The following PKHD1 variants were observed in gnomAD, a reference collection of about 807,000 sequenced individuals.
PKHD1 encodes the protein fibrocystin.
In PKHD1, 291 loss-of-function variants were observed where a neutral mutation model predicts 412.0. The observed-to-expected ratio is 0.71, with a 90% confidence interval of 0.64 to 0.78. The LOEUF is 0.78. PKHD1 is among the 30% of genes least tolerant of loss of function. The probability of loss-of-function intolerance (pLI) is 0.00; values close to 1 mark genes in which losing one functional copy is unlikely to be tolerated. For missense variants in PKHD1, 4,825 were observed against 4,950.7 expected (o/e 0.97, Z 0.76); for synonymous variants, 1,777 against 1,821.5 (o/e 0.98, Z 0.62).
At chr6:51,939,876 C>T (rs1242437472) in intron 36 of PKHD1, among the ~76,000 whole-genome samples, 2 of 151,434 alleles carry the variant, frequency 1.3e-5, no homozygotes, top group African/African-American at 4.8e-5. Flanking sequence ...CTCTGCTCCC[C>T]CACCCTATAA....
At chr6:51,642,849 T>G (rs1250581889) in intron 63 of PKHD1, among the ~76,000 whole-genome samples, 2 of 151,598 alleles carry the variant, frequency 1.3e-5, no homozygotes, top group African/African-American at 2.4e-5. Context: ...CAAAAAAAAG[T>G]AAGGTATGGA....
intron 5 of PKHD1, among the ~76,000 whole-genome samples, chr6:52,078,049 T>C (rs1281528360): frequency 1.3e-5 from 2 of 152,184 alleles, no homozygotes; most frequent in African/African-American, 4.8e-5. Flanking sequence ...TACCTCTCTA[T>C]TTCAACCTGA....
intron 60 of PKHD1, among the ~76,000 whole-genome samples, chr6:51,741,335 T>TA (rs913272885): frequency 3.3e-5 from 5 of 152,196 alleles, no homozygotes; most frequent in Admixed American, 2.6e-4. Context: ...CCACAAAACC[T>TA]ATGACTTCCT....
At chr6:51,860,270 G>T (rs948836806) in intron 48 of PKHD1, among the ~76,000 whole-genome samples, 8 of 152,164 alleles carry the variant, frequency 5.3e-5, no homozygotes, top group Non-Finnish European at 1.2e-4. Context: ...AGGCAAGATG[G>T]CTTGTACTGA....
chr6:52,054,586 C>G (rs911562425), intron 19 of PKHD1, among the ~76,000 whole-genome samples: 4 of 152,154 alleles, frequency 2.6e-5, no homozygotes, highest in African/African-American at 9.7e-5. Context: ...GTTTCTAACT[C>G]AGTTAAAGGC....
intron 35 of PKHD1, among the ~76,000 whole-genome samples, chr6:51,998,781 T>C (rs1010948160): frequency 7.2e-5 from 11 of 152,192 alleles, no homozygotes; most frequent in African/African-American, 2.4e-4. Flanking sequence ...CACATTTCCT[T>C]TCTTCTGGTG....
chr6:52,084,798 A>C (rs1234751873), intron 2 of PKHD1, 84 bp downstream of exon 2: 1 of 930,236 alleles, frequency 1.1e-6, no homozygotes, highest in Non-Finnish European at 1.8e-6. Context: ...TACAACCAAA[A>C]TATTACTTTA....
chr6:51,856,750 T>C (rs1773373869), intron 48 of PKHD1, among the ~76,000 whole-genome samples: 2 of 152,244 alleles, frequency 1.3e-5, no homozygotes, highest in South Asian at 2.1e-4. Flanking sequence ...ACAGTACCTA[T>C]GTGTTCTTGG....
intron 60 of PKHD1, among the ~76,000 whole-genome samples, chr6:51,678,721 G>A (rs1776216412): frequency 6.6e-6 from 1 of 152,026 alleles, no homozygotes. Context: ...TTATTTTCCT[G>A]TTCATCTATT....
At chr6:51,623,683 A>C (rs554427866) in intron 66 of PKHD1, among the ~76,000 whole-genome samples, 86 of 152,216 alleles carry the variant, frequency 5.6e-4, no homozygotes, top group African/African-American at 1.8e-3. Context: ...TCCTGGTTTC[A>C]AGCAATTCTC....
At chr6:52,047,187 G>C (rs1452026551) in intron 23 of PKHD1, among the ~76,000 whole-genome samples, 1 of 152,198 alleles carries the variant, frequency 6.6e-6, no homozygotes, top group Non-Finnish European at 1.5e-5. Context: ...CTACGGATGA[G>C]CTGTCTTCCA....
intron 53 of PKHD1, among the ~76,000 whole-genome samples, chr6:51,789,967 G>A (rs1325844007): frequency 6.6e-6 from 1 of 152,140 alleles, no homozygotes; most frequent in Non-Finnish European, 1.5e-5. Flanking sequence ...AATGGGAACA[G>A]GTTGCCTTGA....
At chr6:51,668,907 T>C (rs1337601879) in intron 60 of PKHD1, among the ~76,000 whole-genome samples, 1 of 152,194 alleles carries the variant, frequency 6.6e-6, no homozygotes, top group East Asian at 1.9e-4. Flanking sequence ...CACTTGATCA[T>C]GGGGGATAAG....
chr6:51,827,092 A>C lies in PKHD1; in HGVS notation c.8302+3769T>G, dbSNP rs550071246. On this transcript the variant is annotated intron_variant, in intron 52 of 66. Coordinates refer to ENST00000371117, the MANE Select transcript of PKHD1 (RefSeq NM_138694.4). ...TAAATCTTTTTTACCAGTCACTTTC[A>C]TTTTGTAAAATCAGCAGTTCCATTA... Among the ~76,000 whole-genome samples, 8 of 152,276 alleles carry C rather than the reference A, an allele frequency of 5.3e-5. No homozygotes were observed. In the South Asian group the frequency reaches 1.7e-3, roughly 32 times the overall value.
At chr6:52,027,946 G>C in intron 30 of PKHD1, 50 bp from the exon 31 acceptor site, 1 of 1,426,554 alleles carries the variant, frequency 7.0e-7, no homozygotes. Flanking sequence ...AGAGAGATAA[G>C]AAAGAGTAAG....
chr6:51,889,958 G>C (rs775560981), intron 43 of PKHD1, among the ~76,000 whole-genome samples: 14 of 152,026 alleles, frequency 9.2e-5, no homozygotes, highest in Non-Finnish European at 2.1e-4. Flanking sequence ...CAGCAAAAAT[G>C]CTGCCCAGCT....
chr6:51,771,225 T>C (rs201759151), intron 55 of PKHD1, among the ~76,000 whole-genome samples: 3 of 135,274 alleles, frequency 2.2e-5, no homozygotes, highest in East Asian at 2.3e-4. Flanking sequence ...CACACACACA[T>C]GCACATAACC....
chr6:51,800,358 G>A (rs1478450428), intron 52 of PKHD1, among the ~76,000 whole-genome samples: 1 of 152,048 alleles, frequency 6.6e-6, no homozygotes, highest in Non-Finnish European at 1.5e-5. Context: ...AGAAACCCCT[G>A]AATTTATCCC....
At chr6:51,989,045 A>AG (rs1796551643) in intron 35 of PKHD1, among the ~76,000 whole-genome samples, 1 of 152,318 alleles carries the variant, frequency 6.6e-6, no homozygotes, top group African/African-American at 2.4e-5. Flanking sequence ...CTCTTCCCAG[A>AG]GTTGCTTTTG....
Sources: gnomAD v4.1 joint callset for allele counts (sites outside exome capture counted in the v4.1 genomes callset) on GRCh38, gnomAD v4.1.1 for gene constraint, MANE v1.5 for transcripts, NCBI Gene and HGNC (gene_info 2026-07-23, HGNC 2026-07-21) for gene names.